Variants in ZBTB20 observed in about 807,000 individuals in gnomAD.
The protein encoded by ZBTB20 is zinc finger and BTB domain containing 20, also known as zinc finger and BTB domain-containing protein 20.
ZBTB20 carries 9 observed loss-of-function variants against 56.9 expected under a neutral mutation model. The ratio of observed to expected loss-of-function variants is 0.16; its 90% confidence interval spans 0.10 to 0.28. ZBTB20 has a LOEUF of 0.28. Among genes scored for constraint, ZBTB20 ranks in the 10% least tolerant of loss-of-function variants. The probability of loss-of-function intolerance (pLI) is 1.00; values close to 1 mark genes in which losing one functional copy is unlikely to be tolerated. For synonymous variants in ZBTB20, 417 were observed against 420.7 expected, an observed-to-expected ratio of 0.99 and a Z score of 0.11; for missense variants, 655 against 1,003.0, an observed-to-expected ratio of 0.65 and a Z score of 4.69.
At chr3:114,411,391 C>T (rs1042805213) in intron 7 of ZBTB20, among the ~76,000 whole-genome samples, 7 of 151,928 alleles carry the variant, frequency 4.6e-5, no homozygotes, top group African/African-American at 1.7e-4. Flanking sequence ...AGAATAAAAG[C>T]GGGTGGGAAT....
At chr3:114,950,320 A>G (rs950180395) in intron 3 of ZBTB20, among the ~76,000 whole-genome samples, 1 of 152,196 alleles carries the variant, frequency 6.6e-6, no homozygotes, top group Non-Finnish European at 1.5e-5. Context: ...TAAATTAGGA[A>G]CAGTATGAGA....
chr3:114,347,670 T>C (rs2080310191), intron 11 of ZBTB20, among the ~76,000 whole-genome samples: 1 of 152,234 alleles, frequency 6.6e-6, no homozygotes, highest in African/African-American at 2.4e-5. Flanking sequence ...TTCTAAAACT[T>C]TGTTAGGTTA....
At chr3:114,414,728 TA>T (rs1559758491) in intron 7 of ZBTB20, among the ~76,000 whole-genome samples, 2 of 147,792 alleles carry the variant, frequency 1.4e-5, no homozygotes, top group African/African-American at 4.9e-5. Flanking sequence ...ATAAAATATA[TA>T]AAATATAATT....
In ZBTB20 at chr3:114,316,963, A is replaced by G. The variant is rs1294438469; in HGVS notation, c.*22042T>C. On this transcript the variant is annotated 3_prime_UTR_variant, in exon 12 of 12. Coordinates refer to ENST00000675478, the MANE Select transcript of ZBTB20 (RefSeq NM_001348800.3). The stretch of plus-strand genomic sequence containing the variant: ...AATGAAGTATTGTGTTTACGTATCA[A>G]AATTGCTAACTTTGACTATAATGGA... The G allele has an allele frequency of 5.4e-6, 1 of 186,054 alleles. No individual in the cohort carries two copies. The highest frequency in any genetic ancestry group is 1.7e-4 in the East Asian group (1 of 5,936). 11.5% of individuals were successfully genotyped at this position (186,054 alleles called of 1,614,324 possible).
At chr3:114,884,912 G>A (rs546678592) in intron 4 of ZBTB20, among the ~76,000 whole-genome samples, 1 of 152,298 alleles carries the variant, frequency 6.6e-6, no homozygotes, top group Admixed American at 6.5e-5. Context: ...CCTGGTACCA[G>A]AGCAGACAAT....
At chr3:115,058,213 G>C (rs1210748958) in intron 2 of ZBTB20, among the ~76,000 whole-genome samples, 1 of 152,080 alleles carries the variant, frequency 6.6e-6, no homozygotes, top group Non-Finnish European at 1.5e-5. Context: ...GAAATTCTAA[G>C]TCTTCTAGTT....
chr3:114,773,581 A>G (rs754384395), intron 5 of ZBTB20, among the ~76,000 whole-genome samples: 2 of 152,206 alleles, frequency 1.3e-5, no homozygotes, highest in Non-Finnish European at 2.9e-5. Context: ...TCACCAAGGA[A>G]CTTCACAAAT....
chr3:115,093,068 TGAGGGACAGA>T (rs2083257163), intron 1 of ZBTB20, among the ~76,000 whole-genome samples: 1 of 152,078 alleles, frequency 6.6e-6, no homozygotes, highest in Non-Finnish European at 1.5e-5. Flanking sequence ...GGAAGGAAAC[TGAGGGACAGA>T]GAGATCATGA....
At chr3:114,950,385 T>C (rs1354993758) in intron 3 of ZBTB20, among the ~76,000 whole-genome samples, 1 of 152,202 alleles carries the variant, frequency 6.6e-6, no homozygotes, top group African/African-American at 2.4e-5. Context: ...ACTGGTTATA[T>C]GAATGTGGTC....
intron 6 of ZBTB20, among the ~76,000 whole-genome samples, chr3:114,510,024 C>A (rs1322315840): frequency 6.6e-6 from 1 of 152,124 alleles, no homozygotes; most frequent in Non-Finnish European, 1.5e-5. Flanking sequence ...GGCAGGGAAC[C>A]CGCAGCAGTC....
intron 4 of ZBTB20, among the ~76,000 whole-genome samples, chr3:114,806,240 A>G (rs2072093969): frequency 6.6e-6 from 1 of 151,876 alleles, no homozygotes; most frequent in Non-Finnish European, 1.5e-5. Flanking sequence ...ATTTGTCTTT[A>G]TCTTCCAACA....
At position 114,993,439 on chromosome 3, in the gene ZBTB20, TAAA is replaced by T. The variant is rs549352249; in HGVS notation, c.-506-19026_-506-19024del. On this transcript the variant is annotated intron_variant, in intron 2 of 11. Coordinates refer to ENST00000675478, the MANE Select transcript of ZBTB20 (RefSeq NM_001348800.3). ...ACATCATTTTGAACTAACTGATGTG[TAAA>T]AACTTCACCTTTTGAAAATTGCACA... 6.3e-3 allele frequency among the ~76,000 whole-genome samples: 964 copies of T among 151,992 alleles called. 7 individuals are homozygous for T. Among genetic ancestry groups the T allele is most frequent in the Non-Finnish European group, 0.011 (755 of 67,870 alleles).
At chr3:114,557,387 C>A (rs1559956770) in intron 6 of ZBTB20, among the ~76,000 whole-genome samples, 1 of 151,930 alleles carries the variant, frequency 6.6e-6, no homozygotes, top group Non-Finnish European at 1.5e-5. Context: ...AAAAATACAA[C>A]CAACAATAAC....
chr3:115,061,051 C>A (rs2081995026), intron 2 of ZBTB20, among the ~76,000 whole-genome samples: 1 of 152,034 alleles, frequency 6.6e-6, no homozygotes, highest in Admixed American at 6.6e-5. Flanking sequence ...TTATGATGTT[C>A]AGTCAAAGAA....
chr3:114,324,571 A>G lies in ZBTB20; in HGVS notation c.*14434T>C, dbSNP rs2079002479. The G allele has an allele frequency of 6.6e-6, 1 of 152,164 alleles. No homozygotes were observed. Among genetic ancestry groups the G allele is most frequent in the African/African-American group, 2.4e-5 (1 of 41,452 alleles). The allele number at this position is 152,164 out of a possible 1,614,324, so 9.4% of individuals were successfully genotyped here. On this transcript the variant is annotated 3_prime_UTR_variant, in exon 12 of 12. Transcript: ENST00000675478. Reference sequence around the variant, plus strand: ...AGAAATTCTCAAGGCCCCTCTCAGAATGATCAATTGAAAATTGGTACAAAT... The same window carrying G: ...AGAAATTCTCAAGGCCCCTCTCAGAGTGATCAATTGAAAATTGGTACAAAT...
At chr3:114,818,917 G>C (rs779116698) in intron 4 of ZBTB20, among the ~76,000 whole-genome samples, 2 of 151,866 alleles carry the variant, frequency 1.3e-5, no homozygotes, top group South Asian at 2.1e-4. Flanking sequence ...AACCCCAAAA[G>C]AACTTAAAAG....
chr3:115,045,623 G>T (rs1226522037), intron 2 of ZBTB20, among the ~76,000 whole-genome samples: 4 of 151,344 alleles, frequency 2.6e-5, no homozygotes, highest in Non-Finnish European at 4.4e-5. Context: ...GTGTTATAAA[G>T]TTCTTCAGAA....
intron 5 of ZBTB20, among the ~76,000 whole-genome samples, chr3:114,790,561 C>A (rs1191203521): frequency 2.6e-5 from 4 of 151,802 alleles, no homozygotes; most frequent in Non-Finnish European, 5.9e-5. Flanking sequence ...ATATGATATG[C>A]ATGTAGTCCA....
chr3:114,809,121 A>T (rs907551445), intron 4 of ZBTB20, among the ~76,000 whole-genome samples: 3 of 151,470 alleles, frequency 2.0e-5, no homozygotes, highest in Admixed American at 6.6e-5. Context: ...TCTCTTTTTC[A>T]TTCAAAAGTT....
Sources: gnomAD v4.1 joint callset for allele counts (sites outside exome capture counted in the v4.1 genomes callset) on GRCh38, gnomAD v4.1.1 for gene constraint, MANE v1.5 for transcripts, NCBI Gene and HGNC (gene_info 2026-07-23, HGNC 2026-07-21) for gene names.